The following CNTNAP2 variants were observed in gnomAD, a reference collection of about 807,000 sequenced individuals.
The protein encoded by CNTNAP2 is contactin-associated protein-like 2.
CNTNAP2 carries 98 observed loss-of-function variants against 155.2 expected under a neutral mutation model. That is an observed-to-expected ratio of 0.63 (90% CI 0.54 to 0.75). The LOEUF is 0.75. CNTNAP2 is among the 30% of genes least tolerant of loss of function. The probability of loss-of-function intolerance (pLI) is 0.00; values close to 1 mark genes in which losing one functional copy is unlikely to be tolerated. For synonymous variants in CNTNAP2, 651 were observed against 631.2 expected, an observed-to-expected ratio of 1.03 and a Z score of -0.47; for missense variants, 1,727 against 1,688.1, an observed-to-expected ratio of 1.02 and a Z score of -0.40.
chr7:147,525,526 T>C (rs571582774), intron 11 of CNTNAP2, among the ~76,000 whole-genome samples: 30 of 152,270 alleles, frequency 2.0e-4, no homozygotes, highest in Admixed American at 3.9e-4. Flanking sequence ...CTAAAAATGG[T>C]TGGGCGTGTC....
intron 15 of CNTNAP2, among the ~76,000 whole-genome samples, chr7:148,035,657 T>A: frequency 6.6e-6 from 1 of 152,158 alleles, no homozygotes; most frequent in Admixed American, 6.5e-5. Flanking sequence ...AGAGACATGG[T>A]ACAGACAGAA....
intron 10 of CNTNAP2, among the ~76,000 whole-genome samples, chr7:147,463,778 C>CA (rs1798065281): frequency 6.6e-6 from 1 of 151,966 alleles, no homozygotes; most frequent in Admixed American, 6.6e-5. Context: ...GCAGGTTTTC[C>CA]AGGAAATTAG....
chr7:146,929,046 G>C (rs1007835646), intron 3 of CNTNAP2, among the ~76,000 whole-genome samples: 10 of 152,204 alleles, frequency 6.6e-5, no homozygotes, highest in African/African-American at 2.4e-4. Context: ...AACCTCTGCA[G>C]ACTTAAATGT....
rs1797957155 is a variant in CNTNAP2, at chr7:146,541,805, T to C, written c.98-232466T>C. 2.0e-5 allele frequency among the ~76,000 whole-genome samples: 3 copies of C among 151,964 alleles called. No individual in the cohort carries two copies. The Admixed American group carries it at 2.0e-4, about 10-fold the overall frequency. On this transcript the variant is annotated intron_variant, in intron 1 of 23. Coordinates refer to ENST00000361727, the MANE Select transcript of CNTNAP2 (RefSeq NM_014141.6). ...TTATGTCATAAAGGCAATAGGAATC[T>C]TGCAAGTAACCTTTTCACCAGAAAA...
intron 1 of CNTNAP2, among the ~76,000 whole-genome samples, chr7:146,358,491 A>G (rs1021209483): frequency 6.6e-6 from 1 of 152,204 alleles, no homozygotes; most frequent in Non-Finnish European, 1.5e-5. Flanking sequence ...ACTTACTTCC[A>G]TTCTTTAAAA....
Position 147,132,509 on chromosome 7 carries a change from G to C in CNTNAP2, c.1348G>C (p.Gly450Arg), listed in dbSNP as rs1801398004. 9 of 1,613,298 alleles carry C rather than the reference G, an allele frequency of 5.6e-6. No individual in the cohort carries two copies. Among genetic ancestry groups the C allele is most frequent in the Non-Finnish European group, 7.6e-6 (9 of 1,179,606 alleles). Residue 450 changes from glycine (G) to arginine (R), a missense_variant and splice_region_variant, in exon 8 of 24, where the codon GGT becomes CGT. Gly to Arg is a moderately radical substitution (Grantham distance 125). Coordinates refer to ENST00000361727, the MANE Select transcript of CNTNAP2 (RefSeq NM_014141.6). ...GATGAGCCAAATCGATATTTCCTCAGGTCAGTGAAACCTATTTGACATTTG... is the reference window on the plus strand; with the variant it reads ...GATGAGCCAAATCGATATTTCCTCACGTCAGTGAAACCTATTTGACATTTG... Reference protein sequence around the residue: ...TKMSQIDISSGSGLNDGQWHE... With the variant: ...TKMSQIDISSRSGLNDGQWHE...
chr7:147,514,639 A>G (rs34195304), intron 11 of CNTNAP2, among the ~76,000 whole-genome samples: 95,583 of 149,442 alleles, frequency 0.64, 31,500 homozygotes, highest in South Asian at 0.77. Context: ...AAAAATAATA[A>G]GGTGTTTTGC....
chr7:146,455,465 G>A (rs554876071), intron 1 of CNTNAP2, among the ~76,000 whole-genome samples: 15 of 152,194 alleles, frequency 9.9e-5, no homozygotes, highest in African/African-American at 3.4e-4. Context: ...ATAAGTACTA[G>A]TTTGGAACAA....
intron 8 of CNTNAP2, among the ~76,000 whole-genome samples, chr7:147,133,699 C>A (rs1262488609): frequency 6.6e-6 from 1 of 151,978 alleles, no homozygotes; most frequent in Non-Finnish European, 1.5e-5. Flanking sequence ...TATATATTTT[C>A]TTGTAAAATA....
At position 147,426,115 on chromosome 7, in the gene CNTNAP2, T is replaced by C. The variant is rs533637765; in HGVS notation, c.1670+30335T>C. The stretch of plus-strand genomic sequence containing the variant: ...ACCAAGATTCTGTATCAGTCAGTAA[T>C]AGGGCTGAATATGTGACGATGTGTA... On this transcript the variant is annotated intron_variant, in intron 10 of 23. Coordinates refer to ENST00000361727, the MANE Select transcript of CNTNAP2 (RefSeq NM_014141.6). 3.3e-5 allele frequency among the ~76,000 whole-genome samples: 5 copies of C among 152,134 alleles called. No homozygotes were observed. In the East Asian group the frequency reaches 5.8e-4, roughly 18 times the overall value.
rs1466428738 is a variant in CNTNAP2 at position 146,911,584 on chromosome 7, C to G, written c.402+71680C>G. On this transcript the variant is annotated intron_variant, in intron 3 of 23. Transcript: ENST00000361727. ...AAAAACCAAACACCGTATATTCTCA[C>G]TCATAGGTGGGAATTGAACAATGAG... 2.8e-5 allele frequency among the ~76,000 whole-genome samples: 4 copies of G among 145,220 alleles called. No homozygotes were observed. The Admixed American group carries it at 2.9e-4, about 11-fold the overall frequency.
intron 13 of CNTNAP2, among the ~76,000 whole-genome samples, chr7:147,881,152 A>G (rs956215033): frequency 5.9e-5 from 9 of 152,214 alleles, no homozygotes; most frequent in Non-Finnish European, 8.8e-5. Context: ...CAGTTGTTGA[A>G]GAATGAAAAG....
chr7:146,907,639 T>C (rs987771473), intron 3 of CNTNAP2, among the ~76,000 whole-genome samples: 4 of 146,980 alleles, frequency 2.7e-5, no homozygotes, highest in African/African-American at 5.0e-5. Context: ...CTAAAAGAGC[T>C]CCTGAAGGAA....
chr7:146,388,610 C>T (rs1214799576), intron 1 of CNTNAP2, among the ~76,000 whole-genome samples: 4 of 152,008 alleles, frequency 2.6e-5, no homozygotes, highest in Non-Finnish European at 5.9e-5. Context: ...TACAAACAAC[C>T]CAATCACACT....
chr7:146,599,789 G>C (rs207468743), intron 1 of CNTNAP2, among the ~76,000 whole-genome samples: 15 of 150,372 alleles, frequency 1.0e-4, no homozygotes, highest in Non-Finnish European at 1.5e-4. Flanking sequence ...TAGATCTCTA[G>C]TTTTATGTAC....
At chr7:147,265,993 A>T (rs545759544) in intron 8 of CNTNAP2, among the ~76,000 whole-genome samples, 1 of 152,302 alleles carries the variant, frequency 6.6e-6, no homozygotes, top group African/African-American at 2.4e-5. Flanking sequence ...AAGGTCAGCA[A>T]CCTCAAAGAT....
chr7:146,693,875 C>T (rs1181532282), intron 1 of CNTNAP2, among the ~76,000 whole-genome samples: 1 of 151,936 alleles, frequency 6.6e-6, no homozygotes, highest in Non-Finnish European at 1.5e-5. Context: ...TCCTAATGCT[C>T]TCCCTCCCCA....
At chr7:146,916,270 C>G (rs1436944586) in intron 3 of CNTNAP2, among the ~76,000 whole-genome samples, 2 of 151,998 alleles carry the variant, frequency 1.3e-5, no homozygotes, top group Admixed American at 1.3e-4. Context: ...AGATATTGGT[C>G]TATAGTTTTC....
intron 8 of CNTNAP2, among the ~76,000 whole-genome samples, chr7:147,203,793 C>G (rs1802967419): frequency 6.6e-6 from 1 of 152,090 alleles, no homozygotes; most frequent in Admixed American, 6.5e-5. Context: ...ATACCTGACA[C>G]TGATAGTTGC....
Sources: gnomAD v4.1 joint callset for allele counts (sites outside exome capture counted in the v4.1 genomes callset) on GRCh38, gnomAD v4.1.1 for gene constraint, MANE v1.5 for transcripts, NCBI Gene and HGNC (gene_info 2026-07-23, HGNC 2026-07-21) for gene names.